BTD: variants seen among roughly 807,000 people sequenced by gnomAD.
BTD encodes the protein biotinidase.
In BTD, 13 loss-of-function variants were observed where a neutral mutation model predicts 17.7. The ratio of observed to expected loss-of-function variants is 0.74; its 90% confidence interval spans 0.48 to 1.17. The LOEUF (loss-of-function observed/expected upper bound fraction) is 1.17, where lower values mean the gene tolerates loss of function less well. Among genes scored for constraint, BTD ranks in the 50% most tolerant of loss-of-function variants. The pLI is 0.00. For synonymous variants in BTD, 240 were observed against 245.2 expected (o/e 0.98, Z 0.20); for missense variants, 674 against 650.4 (o/e 1.04, Z -0.39).
intron 3 of BTD, chr3:15,668,866 T>C (rs993151969): frequency 1.3e-5 from 2 of 152,630 alleles, no homozygotes; most frequent in African/African-American, 4.8e-5. Context: ...TAAAATGAAA[T>C]TGGGTATCAT....
intron 1 of BTD, among the ~76,000 whole-genome samples, chr3:15,617,981 G>T (rs1027132929): frequency 7.9e-5 from 12 of 152,126 alleles, no homozygotes; most frequent in Non-Finnish European, 5.9e-5. Flanking sequence ...TCTAGAGACA[G>T]GTCTCGCTCT....
In BTD at chr3:15,651,572, C is replaced by T. The variant is rs1409611156; in HGVS notation, c.*6084C>T. 6.6e-6 allele frequency among the ~76,000 whole-genome samples: 1 copy of T among 152,178 alleles called. No homozygotes were observed. The highest frequency in any genetic ancestry group is 2.4e-5 in the African/African-American group (1 of 41,452). ...GGGGCTGTGAGAGAGACAGCCAGAC[C>T]GTAGCGGTGTGACAGGCAGAGAGCC... On this transcript the variant is annotated 3_prime_UTR_variant, in exon 4 of 4. Coordinates refer to ENST00000643237, the MANE Select transcript of BTD (RefSeq NM_001370658.1).
rs140465795 is a variant in BTD, at chr3:15,613,953, T to C, written c.-17+12059T>C. On this transcript the variant is annotated intron_variant, in intron 1 of 3. Transcript: ENST00000643237. ...CTGGTTGCGTCTAAGATTTTTTTCTTCTTCAAATATTTCGTGTTCTGGTTT... is the reference window on the plus strand; with the variant it reads ...CTGGTTGCGTCTAAGATTTTTTTCTCCTTCAAATATTTCGTGTTCTGGTTT... 1.6e-3 allele frequency among the ~76,000 whole-genome samples: 237 copies of C among 152,218 alleles called. 2 individuals are homozygous for C. The highest frequency in any genetic ancestry group is 5.4e-3 in the African/African-American group (224 of 41,562).
At chr3:15,693,834 G>C (rs1269978078) in intron 3 of BTD, among the ~76,000 whole-genome samples, 1 of 152,072 alleles carries the variant, frequency 6.6e-6, no homozygotes, top group Non-Finnish European at 1.5e-5. Context: ...GGGAGAAATG[G>C]CAGAAAATTT....
chr3:15,618,550 G>A (rs2064857759), intron 1 of BTD, among the ~76,000 whole-genome samples: 1 of 150,616 alleles, frequency 6.6e-6, no homozygotes, highest in Non-Finnish European at 1.5e-5. Flanking sequence ...TTATTTTTTT[G>A]AGTCTCACTC....
At chr3:15,707,718 T>C (rs2071647041) in intron 3 of BTD, among the ~76,000 whole-genome samples, 1 of 152,214 alleles carries the variant, frequency 6.6e-6, no homozygotes, top group Non-Finnish European at 1.5e-5. Context: ...CCAGATCAGC[T>C]AGTAAGGCTG....
chr3:15,645,739 T>G lies in BTD; in HGVS notation c.*251T>G, dbSNP rs973865557. 1.9e-4 allele frequency: 92 copies of G among 486,922 alleles called. No individual in the cohort carries two copies. Among genetic ancestry groups the G allele is most frequent in the Non-Finnish European group, 2.8e-4 (76 of 273,564 alleles). 30.2% of individuals were successfully genotyped at this position (486,922 alleles called of 1,614,324 possible). Reference sequence around the variant, plus strand: ...ACATTTATCTTTTTCAAGCCACATCTTCCTCTAACAAATCTCTCAGTATGC... The same window carrying G: ...ACATTTATCTTTTTCAAGCCACATCGTCCTCTAACAAATCTCTCAGTATGC... On this transcript the variant is annotated 3_prime_UTR_variant, in exon 4 of 4. Transcript: ENST00000643237.
intron 1 of BTD, among the ~76,000 whole-genome samples, chr3:15,618,650 C>T (rs918294481): frequency 1.3e-5 from 2 of 152,102 alleles, no homozygotes; most frequent in Non-Finnish European, 2.9e-5. Context: ...CTCAGCCTCC[C>T]GAGTAGCTGG....
intron 3 of BTD, among the ~76,000 whole-genome samples, chr3:15,666,987 G>A (rs1165818546): frequency 6.6e-6 from 1 of 152,016 alleles, no homozygotes; most frequent in Non-Finnish European, 1.5e-5. Flanking sequence ...GAAATTAATT[G>A]TAAGCTCCTA....
intron 1 of BTD, among the ~76,000 whole-genome samples, chr3:15,623,652 G>T (rs148675614): frequency 6.6e-6 from 1 of 152,314 alleles, no homozygotes; most frequent in East Asian, 1.9e-4. Flanking sequence ...GTTGAGTTGT[G>T]TGGCCTGGTG....
At chr3:15,610,115 A>G (rs1387746957) in intron 1 of BTD, among the ~76,000 whole-genome samples, 1 of 152,228 alleles carries the variant, frequency 6.6e-6, no homozygotes, top group Non-Finnish European at 1.5e-5. Context: ...AAGAACCACC[A>G]TTTATTTAAC....
chr3:15,665,864 CAT>C (rs753372844), intron 3 of BTD, among the ~76,000 whole-genome samples: 2 of 152,150 alleles, frequency 1.3e-5, no homozygotes, highest in Non-Finnish European at 2.9e-5. Flanking sequence ...CAAGAATGAA[CAT>C]AGATGGGAGC....
intron 3 of BTD, chr3:15,696,194 C>A (rs190593875): frequency 6.3e-7 from 1 of 1,593,102 alleles, no homozygotes; most frequent in Non-Finnish European, 8.6e-7. Context: ...TGTATCCTTG[C>A]TTATCACGGA....
chr3:15,655,872 G>A (rs371557896), downstream of BTD, among the ~76,000 whole-genome samples: 30 of 152,226 alleles, frequency 2.0e-4, no homozygotes, highest in East Asian at 5.4e-3. Context: ...GCATGATCTC[G>A]GCTCACTGCA....
intron 1 of BTD, among the ~76,000 whole-genome samples, chr3:15,603,859 A>T (rs184876733): frequency 6.6e-6 from 1 of 152,236 alleles, no homozygotes. Flanking sequence ...TGATCTTTGG[A>T]TCATTTTGAC....
intron 1 of BTD, among the ~76,000 whole-genome samples, chr3:15,632,410 G>A (rs958020367): frequency 6.6e-6 from 1 of 152,140 alleles, no homozygotes; most frequent in Admixed American, 6.5e-5. Context: ...CTGGAAGTGG[G>A]GTTCAGTACA....
At chr3:15,687,250 C>T (rs2455809) in intron 3 of BTD, among the ~76,000 whole-genome samples, 2 of 151,982 alleles carry the variant, frequency 1.3e-5, no homozygotes, top group African/African-American at 4.8e-5. Context: ...GCCTGCCTTT[C>T]GACATTGTAT....
downstream of BTD, among the ~76,000 whole-genome samples, chr3:15,654,593 C>T (rs1393109118): frequency 2.0e-5 from 3 of 151,550 alleles, no homozygotes; most frequent in Non-Finnish European, 4.4e-5. Flanking sequence ...TATAGTCCTG[C>T]ATCCTTTTTT....
chr3:15,657,309 A>G (rs1485891598), downstream of BTD, among the ~76,000 whole-genome samples: 1 of 152,236 alleles, frequency 6.6e-6, no homozygotes, highest in Non-Finnish European at 1.5e-5. Context: ...ATTTGTGGCT[A>G]TTTAAAGTCT....
Sources: allele counts gnomAD v4.1 joint callset (sites outside exome capture counted in the v4.1 genomes callset), GRCh38; gene constraint gnomAD v4.1.1; transcripts MANE v1.5; gene names NCBI Gene and HGNC (gene_info 2026-07-23, HGNC 2026-07-21).